Variants in EPGN observed in about 807,000 individuals in gnomAD.
The protein encoded by EPGN is epithelial mitogen.
In EPGN, 21 loss-of-function variants were observed where a neutral mutation model predicts 20.7. That is an observed-to-expected ratio of 1.01 (90% CI 0.72 to 1.46). EPGN has a LOEUF of 1.46. Among genes scored for constraint, EPGN ranks in the 40% most tolerant of loss-of-function variants. The probability of loss-of-function intolerance (pLI) is 0.00; values close to 1 mark genes in which losing one functional copy is unlikely to be tolerated. For synonymous variants in EPGN, 69 were observed against 63.8 expected (o/e 1.08, Z -0.39); for missense variants, 199 against 180.7 (o/e 1.10, Z -0.58).
At chr4:74,309,635 G>A (rs920498535) in intron 2 of EPGN, among the ~76,000 whole-genome samples, 1 of 152,046 alleles carries the variant, frequency 6.6e-6, no homozygotes, top group African/African-American at 2.4e-5. Context: ...TGTTTGCTTT[G>A]GAGTTTTTGT....
intron 2 of EPGN, among the ~76,000 whole-genome samples, chr4:74,310,566 ATTT>A (rs575639603): frequency 6.6e-6 from 1 of 151,458 alleles, no homozygotes; most frequent in Non-Finnish European, 1.5e-5. Flanking sequence ...TCAGTACTAA[ATTT>A]TTTTTTCTTC....
In EPGN at chr4:74,314,644, T is replaced by C. The variant is rs769926436; in HGVS notation, c.*7T>C. On this transcript the variant is annotated 3_prime_UTR_variant, in exon 5 of 5. Transcript: ENST00000413830. ...AGAAAGACGACCACTGTGAGGCCTT[T>C]GTGAAGAATTTTCATCAAGGCATCT... is the stretch of plus-strand genomic sequence containing the variant. 6.5e-7 allele frequency: 1 copy of C among 1,535,916 alleles called. No homozygotes were observed. Among genetic ancestry groups the C allele is most frequent in the South Asian group, 1.2e-5 (1 of 84,054 alleles).
At position 74,314,697 on chromosome 4, in the gene EPGN, GT is replaced by G. The variant is rs1751185254; in HGVS notation, c.*64del. The G allele has an allele frequency of 2.8e-6, 4 of 1,445,674 alleles. No homozygotes were observed. The highest frequency in any genetic ancestry group is 3.7e-6 in the Non-Finnish European group (4 of 1,073,956). The allele number at this position is 1,445,674 out of a possible 1,614,324, so 89.6% of individuals were successfully genotyped here. A position where few individuals can be genotyped will look rare whatever the true frequency, so the allele number is the denominator to read the frequency against. On this transcript the variant is annotated 3_prime_UTR_variant, in exon 5 of 5. Transcript: ENST00000413830. ...AGAGATCAGTGAGCCCAAAATTAAA[GT>G]TTTCAGATGAAACAACAAAACTTGT...
intron 1 of EPGN, 25 bp downstream of exon 1, chr4:74,308,601 T>A (rs1415430486): frequency 1.3e-6 from 2 of 1,594,660 alleles, no homozygotes; most frequent in Non-Finnish European, 8.6e-7. Flanking sequence ...TTTGTTTTGT[T>A]AACTTTATAT....
rs1008869245 is a variant in EPGN, at chr4:74,314,691, A to G, written c.*54A>G. On this transcript the variant is annotated 3_prime_UTR_variant, in exon 5 of 5. Coordinates refer to ENST00000413830, the MANE Select transcript of EPGN (RefSeq NM_001270989.2). ...ATCTGTAGAGATCAGTGAGCCCAAAATTAAAGTTTTCAGATGAAACAACAA... is the reference window on the plus strand; with the variant it reads ...ATCTGTAGAGATCAGTGAGCCCAAAGTTAAAGTTTTCAGATGAAACAACAA... 5 of 1,484,260 alleles carry G rather than the reference A, an allele frequency of 3.4e-6. No individual in the cohort carries two copies. The African/African-American group carries it at 5.6e-5, about 17-fold the overall frequency. The allele number at this position is 1,484,260 out of a possible 1,614,324, so 91.9% of individuals were successfully genotyped here. A position where few individuals can be genotyped will look rare whatever the true frequency, so the allele number is the denominator to read the frequency against.
At chr4:74,313,315 T>C (rs1751088531) in intron 4 of EPGN, 145 bp downstream of exon 4, 1 of 1,409,638 alleles carries the variant, frequency 7.1e-7, no homozygotes, top group Non-Finnish European at 9.1e-7. Context: ...TTCTATGTAA[T>C]ATTTTTCATG....
At position 74,314,722 on chromosome 4, in the gene EPGN, G is replaced by A. The variant is rs560931895; in HGVS notation, c.*85G>A. 2 of 1,230,524 alleles carry A rather than the reference G, an allele frequency of 1.6e-6. No homozygotes were observed. The highest frequency in any genetic ancestry group is 1.5e-5 in the African/African-American group (1 of 66,038). The allele number at this position is 1,230,524 out of a possible 1,614,324, so 76.2% of individuals were successfully genotyped here. On this transcript the variant is annotated 3_prime_UTR_variant, in exon 5 of 5. Transcript: ENST00000413830. ...GTTTTCAGATGAAACAACAAAACTT[G>A]TCAAGCTGACTAGACTCGAAAATAA...
chr4:74,314,634 G>C lies in EPGN; in HGVS notation c.462G>C (p.Leu154=), dbSNP rs1434938794. The C allele has an allele frequency of 6.5e-7, 1 of 1,536,006 alleles. No individual in the cohort carries two copies. The highest frequency in any genetic ancestry group is 2.4e-5 in the East Asian group (1 of 40,916). The change falls in exon 5 of 5, where the codon CTG becomes CTC. Residue 154 remains leucine, a synonymous_variant. Coordinates refer to ENST00000413830, the MANE Select transcript of EPGN (RefSeq NM_001270989.2). The part of the protein sequence containing the change: ...YNVCSGERRP[L] ...TCTGTTCTGGAGAAAGACGACCACT[G>C]TGAGGCCTTTGTGAAGAATTTTCAT...
intron 2 of EPGN, 86 bp from the exon 3 acceptor site, chr4:74,312,099 T>G: frequency 7.0e-7 from 1 of 1,436,172 alleles, no homozygotes; most frequent in Non-Finnish European, 9.3e-7. Context: ...ATCCTTAAAA[T>G]TAAAAATTTA....
rs1377830489 is a variant in EPGN at position 74,315,644 on chromosome 4, G to A, written c.*1007G>A. Among the ~76,000 whole-genome samples the A allele has an allele frequency of 6.6e-6, 1 of 152,110 alleles. No homozygotes were observed. The highest frequency in any genetic ancestry group is 1.5e-5 in the Non-Finnish European group (1 of 67,992). Reference sequence around the variant, plus strand: ...GGGAGAGAAAAAAAATGGAGTAACAGTCAAAATAATAATAATCAGTATCCA... The same window carrying A: ...GGGAGAGAAAAAAAATGGAGTAACAATCAAAATAATAATAATCAGTATCCA... On this transcript the variant is annotated 3_prime_UTR_variant, in exon 5 of 5. Coordinates refer to ENST00000413830, the MANE Select transcript of EPGN (RefSeq NM_001270989.2).
intron 2 of EPGN, among the ~76,000 whole-genome samples, chr4:74,310,301 A>C (rs1013390513): frequency 6.6e-6 from 1 of 151,840 alleles, no homozygotes; most frequent in African/African-American, 2.4e-5. Flanking sequence ...GTCTCTACTA[A>C]AAATACAAAA....
chr4:74,313,270 T>G, intron 4 of EPGN, 100 bp downstream of exon 4: 1 of 1,430,252 alleles, frequency 7.0e-7, no homozygotes, highest in Non-Finnish European at 9.1e-7. Flanking sequence ...GTAAAATTTT[T>G]TTAATTAAAA....
At chr4:74,310,088 G>A (rs1379155888) in intron 2 of EPGN, among the ~76,000 whole-genome samples, 1 of 152,134 alleles carries the variant, frequency 6.6e-6, no homozygotes, top group Non-Finnish European at 1.5e-5. Context: ...GTGGGTTATA[G>A]AATAACTTTT....
intron 2 of EPGN, among the ~76,000 whole-genome samples, chr4:74,311,529 G>C (rs1750953081): frequency 1.3e-5 from 2 of 152,038 alleles, no homozygotes; most frequent in Admixed American, 1.3e-4. Context: ...TTATCATAAT[G>C]ATGAGGAAAT....
chr4:74,316,613 C>G lies in EPGN; in HGVS notation c.*1976C>G, dbSNP rs1381262281. Among the ~76,000 whole-genome samples the G allele has an allele frequency of 6.6e-6, 1 of 152,120 alleles. No individual in the cohort carries two copies. Among genetic ancestry groups the G allele is most frequent in the Non-Finnish European group, 1.5e-5 (1 of 68,032 alleles). ...CACAGTATGCAAAGCTTACATCATA[C>G]CAAGGAGTGGAGAGTTGAAGTTTCC... is the stretch of plus-strand genomic sequence containing the variant. On this transcript the variant is annotated 3_prime_UTR_variant, in exon 5 of 5. Transcript: ENST00000413830.
Position 74,309,136 on chromosome 4 carries a change from T to A in EPGN, c.87T>A (p.Pro29=), listed in dbSNP as rs759847835. 1 of 1,613,608 alleles carries A rather than the reference T, an allele frequency of 6.2e-7. No individual in the cohort carries two copies. The change falls in exon 2 of 5, where the codon CCT becomes CCA. Residue 29 remains proline (P), a synonymous_variant. Transcript: ENST00000413830. ...AAGAGGCAGCCGTGACTGTAACACC[T>A]CCAATCACAGCCCAGCAAGGTAACT... ...LTEEAAVTVT[P]PITAQQGNWT...
At position 74,314,835 on chromosome 4, in the gene EPGN, G is replaced by A. The variant is rs1047463307; in HGVS notation, c.*198G>A. 3.4e-6 allele frequency: 2 copies of A among 581,448 alleles called. No individual in the cohort carries two copies. The highest frequency in any genetic ancestry group is 6.0e-6 in the Non-Finnish European group (2 of 330,814). 36.0% of individuals were successfully genotyped at this position (581,448 alleles called of 1,614,324 possible). A position where few individuals can be genotyped will look rare whatever the true frequency, so the allele number is the denominator to read the frequency against. ...ATCCTTAAGGAGTGATGGAAGCCAA[G>A]TGAACAAGCCTCAGTGACACAAGTC... On this transcript the variant is annotated 3_prime_UTR_variant, in exon 5 of 5. Coordinates refer to ENST00000413830, the MANE Select transcript of EPGN (RefSeq NM_001270989.2).
chr4:74,309,358 T>G (rs1447434888), intron 2 of EPGN, among the ~76,000 whole-genome samples, 176 bp downstream of exon 2: 1 of 152,234 alleles, frequency 6.6e-6, no homozygotes, highest in Non-Finnish European at 1.5e-5. Flanking sequence ...CAGGAAATAA[T>G]TGCCTTTTTA....
chr4:74,310,663 T>C (rs1048443532), intron 2 of EPGN, among the ~76,000 whole-genome samples: 1 of 152,064 alleles, frequency 6.6e-6, no homozygotes, highest in Non-Finnish European at 1.5e-5. Context: ...CATCCTCCGT[T>C]ATTGGTTGAA....
Sources: gnomAD v4.1 joint callset for allele counts (sites outside exome capture counted in the v4.1 genomes callset) on GRCh38, gnomAD v4.1.1 for gene constraint, MANE v1.5 for transcripts, NCBI Gene and HGNC (gene_info 2026-07-23, HGNC 2026-07-21) for gene names.